VPS8: variants seen among roughly 807,000 people sequenced by gnomAD.
VPS8 encodes the protein VPS8 subunit of CORVET complex.
In VPS8, 129 loss-of-function variants were observed where a neutral mutation model predicts 216.4. The ratio of observed to expected loss-of-function variants is 0.60; its 90% CI spans 0.52 to 0.69. The LOEUF is 0.69. Ranked by LOEUF, VPS8 falls within the 30% of genes least tolerant of loss-of-function variation. The pLI is 0.00. For missense variants in VPS8, 1,531 were observed against 1,683.5 expected (o/e 0.91, Z 1.59); for synonymous variants, 571 against 565.4 (o/e 1.01, Z -0.14).
At chr3:184,884,185 T>G (rs1730773248) in intron 21 of VPS8, among the ~76,000 whole-genome samples, 1 of 152,092 alleles carries the variant, frequency 6.6e-6, no homozygotes, top group African/African-American at 2.4e-5. Flanking sequence ...AGCTCGTCAT[T>G]TACATTAGGT....
intron 15 of VPS8, 54 bp downstream of exon 15, chr3:184,860,119 T>C: frequency 4.3e-6 from 6 of 1,381,698 alleles, no homozygotes; most frequent in Non-Finnish European, 6.1e-6. Flanking sequence ...TTGTTCTGAA[T>C]CTATGATATA....
chr3:185,051,786 G>A, intron 47 of VPS8, 90 bp from the exon 48 acceptor site: 1 of 1,415,590 alleles, frequency 7.1e-7, no homozygotes, highest in Non-Finnish European at 9.4e-7. Flanking sequence ...ACACAGCACT[G>A]TCTCTCATGT....
intron 6 of VPS8, chr3:184,839,362 A>C (rs1384299927): frequency 7.8e-6 from 2 of 256,698 alleles, no homozygotes; most frequent in African/African-American, 4.6e-5. Flanking sequence ...AGGAAGCTCT[A>C]GGTTGGGTAG....
intron 2 of VPS8, chr3:184,825,039 G>A (rs1718445700): frequency 9.7e-6 from 4 of 410,976 alleles, no homozygotes; most frequent in Non-Finnish European, 1.8e-5. Context: ...CCAAGTAGCT[G>A]GGACCACAGG....
intron 16 of VPS8, among the ~76,000 whole-genome samples, chr3:184,864,851 C>A (rs1236778730): frequency 1.3e-5 from 2 of 152,096 alleles, no homozygotes; most frequent in Admixed American, 1.3e-4. Context: ...AGAAAAACAA[C>A]CTATAACAAG....
chr3:184,829,611 T>A (rs1253261565), intron 3 of VPS8, among the ~76,000 whole-genome samples: 1 of 152,208 alleles, frequency 6.6e-6, no homozygotes, highest in African/African-American at 2.4e-5. Context: ...GCACCGTTTT[T>A]GAAAGTGGTG....
intron 36 of VPS8, among the ~76,000 whole-genome samples, chr3:184,945,449 T>A (rs776957275): frequency 3.3e-5 from 5 of 152,028 alleles, no homozygotes; most frequent in Non-Finnish European, 5.9e-5. Context: ...AGCAGGTAAT[T>A]ATGTATAAGT....
chr3:184,982,261 G>A (rs1436189340), intron 40 of VPS8, among the ~76,000 whole-genome samples: 2 of 151,984 alleles, frequency 1.3e-5, no homozygotes, highest in African/African-American at 2.4e-5. Flanking sequence ...CTTTGAACCT[G>A]CCCTCCCCTG....
chr3:184,908,475 C>G (rs951153481), intron 25 of VPS8, among the ~76,000 whole-genome samples: 1 of 152,218 alleles, frequency 6.6e-6, no homozygotes, highest in African/African-American at 2.4e-5. Context: ...GCAGCAGCAC[C>G]CAGACAAGGG....
chr3:184,902,594 G>A (rs2108998027), intron 25 of VPS8, among the ~76,000 whole-genome samples: 1 of 151,668 alleles, frequency 6.6e-6, no homozygotes, highest in African/African-American at 2.4e-5. Context: ...CACTTTGGGA[G>A]GCTGAGGTGG....
intron 35 of VPS8, among the ~76,000 whole-genome samples, chr3:184,938,789 A>G (rs539590447): frequency 6.6e-6 from 1 of 151,994 alleles, no homozygotes; most frequent in East Asian, 1.9e-4. Flanking sequence ...GCATTTTGCA[A>G]GGCCCAGGCG....
chr3:185,042,568 G>T (rs546287181), intron 46 of VPS8, among the ~76,000 whole-genome samples: 1 of 152,270 alleles, frequency 6.6e-6, no homozygotes, highest in East Asian at 1.9e-4. Context: ...GGATAATGAT[G>T]ACTCAGGAAA....
intron 8 of VPS8, among the ~76,000 whole-genome samples, chr3:184,844,934 C>A (rs903599430): frequency 1.3e-5 from 2 of 152,182 alleles, no homozygotes; most frequent in African/African-American, 4.8e-5. Flanking sequence ...TCTTTGTCAA[C>A]TCAGTGAAGT....
intron 30 of VPS8, among the ~76,000 whole-genome samples, 175 bp downstream of exon 30, chr3:184,925,156 G>A (rs1218682963): frequency 6.6e-6 from 1 of 152,176 alleles, no homozygotes; most frequent in Admixed American, 6.5e-5. Flanking sequence ...GTATGGGTAT[G>A]TTTTGTGGAG....
At chr3:184,892,046 T>G (rs1234018328) in intron 22 of VPS8, among the ~76,000 whole-genome samples, 3 of 152,156 alleles carry the variant, frequency 2.0e-5, no homozygotes, top group Non-Finnish European at 4.4e-5. Flanking sequence ...AAATATCTCT[T>G]TGGTCCTCTA....
intron 4 of VPS8, among the ~76,000 whole-genome samples, chr3:184,834,251 G>C (rs561360981): frequency 6.6e-6 from 1 of 152,274 alleles, no homozygotes; most frequent in South Asian, 2.1e-4. Context: ...CCTAAGGTGG[G>C]CATGGAGCAG....
At chr3:185,024,495 C>A (rs1757084363) in intron 46 of VPS8, 106 bp downstream of exon 46, 1 of 1,249,214 alleles carries the variant, frequency 8.0e-7, no homozygotes. Flanking sequence ...CATCTTAATG[C>A]TGTCAAGGGT....
chr3:184,867,870 G>T (rs904841696), intron 17 of VPS8, among the ~76,000 whole-genome samples, 154 bp from the exon 18 acceptor site: 1 of 152,160 alleles, frequency 6.6e-6, no homozygotes, highest in South Asian at 2.1e-4. Context: ...CGTTCTTGAA[G>T]ACCCATTAGT....
chr3:184,915,555 G>A, intron 28 of VPS8, 81 bp downstream of exon 28: 6 of 1,460,346 alleles, frequency 4.1e-6, no homozygotes, highest in Non-Finnish European at 5.6e-6. Context: ...GCTCACCCCT[G>A]TAATCCCAAC....
Sources: gnomAD v4.1 joint callset for allele counts (sites outside exome capture counted in the v4.1 genomes callset) on GRCh38, gnomAD v4.1.1 for gene constraint, MANE v1.5 for transcripts, NCBI Gene and HGNC (gene_info 2026-07-23, HGNC 2026-07-21) for gene names.